RAB38: variants seen among roughly 807,000 people sequenced by gnomAD.
RAB38 encodes RAB38, member RAS oncogene family, also known as ras-related protein Rab-38.
Under a neutral mutation model 18.4 loss-of-function variants are expected in RAB38, and 15 were observed. The ratio of observed to expected loss-of-function variants is 0.82; its 90% CI spans 0.55 to 1.26. RAB38 has a LOEUF of 1.26. Ranked by LOEUF, RAB38 falls within the 50% of genes most tolerant of loss-of-function variation. RAB38 has a pLI of 0.00. For synonymous variants in RAB38, 101 were observed against 104.4 expected, an observed-to-expected ratio of 0.97 and a Z score of 0.20; for missense variants, 294 against 267.4, an observed-to-expected ratio of 1.10 and a Z score of -0.69.
chr11:88,134,741 A>T (rs936222633), intron 2 of RAB38, among the ~76,000 whole-genome samples: 2 of 152,192 alleles, frequency 1.3e-5, no homozygotes, highest in African/African-American at 4.8e-5. Context: ...TCTGCTTCCA[A>T]CCTTTCTCAC....
At chr11:87,923,659 A>C in the RAB38 span, among the ~76,000 whole-genome samples, 151,619 of 151,624 alleles carry the variant, frequency 1, 75,807 homozygotes, top group Non-Finnish European at 1. Context: ...TCATGTAAAC[A>C]AATAATTCTG....
the RAB38 span, among the ~76,000 whole-genome samples, chr11:87,833,036 T>C: frequency 1.3e-5 from 2 of 152,160 alleles, no homozygotes; most frequent in Non-Finnish European, 2.9e-5. Flanking sequence ...TAGTCTTCCA[T>C]TTAGACTGTT....
chr11:88,119,272 C>T (rs547044271), intron 2 of RAB38, among the ~76,000 whole-genome samples: 1 of 152,208 alleles, frequency 6.6e-6, no homozygotes, highest in East Asian at 1.9e-4. Flanking sequence ...ATTCATACTC[C>T]TAACCTCTGC....
At chr11:87,899,439 T>C in the RAB38 span, among the ~76,000 whole-genome samples, 1 of 151,716 alleles carries the variant, frequency 6.6e-6, no homozygotes, top group African/African-American at 2.4e-5. Flanking sequence ...TGAATGGTTT[T>C]GGAACAATGA....
the RAB38 span, among the ~76,000 whole-genome samples, chr11:87,868,581 GA>G: frequency 4.2e-4 from 1 of 2,370 alleles, no homozygotes; most frequent in African/African-American, 1.5e-3. Context: ...GAGTGAGGGA[GA>G]GAGAGAGAGA....
chr11:88,034,179 C>A, the RAB38 span, among the ~76,000 whole-genome samples: 1 of 152,096 alleles, frequency 6.6e-6, no homozygotes, highest in Non-Finnish European at 1.5e-5. Flanking sequence ...CGCTTTTTTT[C>A]ACTCAGTATA....
the RAB38 span, among the ~76,000 whole-genome samples, chr11:88,008,588 A>G: frequency 7.9e-5 from 12 of 152,344 alleles, no homozygotes; most frequent in Middle Eastern, 3.4e-3. Flanking sequence ...TTGAGGTTCA[A>G]TCTATGAAAT....
the RAB38 span, among the ~76,000 whole-genome samples, chr11:88,043,630 C>A: frequency 2.1e-5 from 2 of 95,330 alleles, no homozygotes; most frequent in African/African-American, 3.3e-5. Context: ...CCGAGAACAA[C>A]CCCCTTTGAC....
chr11:87,913,289 A>G, the RAB38 span, among the ~76,000 whole-genome samples: 2 of 152,158 alleles, frequency 1.3e-5, no homozygotes, highest in Admixed American at 1.3e-4. Context: ...ATCAGTTATC[A>G]TGGAGGAATG....
At chr11:87,863,821 A>T in the RAB38 span, among the ~76,000 whole-genome samples, 1 of 151,782 alleles carries the variant, frequency 6.6e-6, no homozygotes, top group South Asian at 2.1e-4. Flanking sequence ...CTCGCCTAAA[A>T]TCCTTGTAGA....
the RAB38 span, among the ~76,000 whole-genome samples, chr11:88,095,546 TAA>T: frequency 1.3e-5 from 2 of 151,932 alleles, no homozygotes. Context: ...TTTCAAAATT[TAA>T]AGTTTGAGTA....
At chr11:87,947,208 C>A in the RAB38 span, among the ~76,000 whole-genome samples, 4 of 149,406 alleles carry the variant, frequency 2.7e-5, no homozygotes, top group Admixed American at 6.7e-5. Flanking sequence ...AGTGTCTGTT[C>A]ATATCCTTCA....
the RAB38 span, among the ~76,000 whole-genome samples, chr11:87,818,072 A>G: frequency 6.6e-6 from 1 of 152,168 alleles, no homozygotes; most frequent in Non-Finnish European, 1.5e-5. Flanking sequence ...CAAGCTTTGC[A>G]TTTGTCAGAA....
chr11:87,928,457 T>G, the RAB38 span, among the ~76,000 whole-genome samples: 1 of 152,090 alleles, frequency 6.6e-6, no homozygotes, highest in Non-Finnish European at 1.5e-5. Context: ...TTATTGTGTA[T>G]GATTTTCATA....
At chr11:87,939,636 T>G in the RAB38 span, among the ~76,000 whole-genome samples, 85 of 152,122 alleles carry the variant, frequency 5.6e-4, 1 homozygote, top group African/African-American at 1.9e-3. Context: ...GGAGCTAAGA[T>G]AGCTTGAGCC....
chr11:87,954,130 TTTGAG>T, the RAB38 span, among the ~76,000 whole-genome samples: 1 of 152,120 alleles, frequency 6.6e-6, no homozygotes, highest in Non-Finnish European at 1.5e-5. Flanking sequence ...ATCCAATGAT[TTTGAG>T]TTAAAATGTA....
chr11:88,126,663 C>T (rs1942698686), intron 2 of RAB38, among the ~76,000 whole-genome samples: 2 of 150,832 alleles, frequency 1.3e-5, no homozygotes, highest in Admixed American at 1.3e-4. Context: ...AACAAACCTG[C>T]ACATTGTGCA....
the RAB38 span, among the ~76,000 whole-genome samples, chr11:87,806,391 A>G: frequency 6.6e-6 from 1 of 152,120 alleles, no homozygotes; most frequent in Non-Finnish European, 1.5e-5. Context: ...ATACGATGAA[A>G]GAGCTCCCTG....
chr11:87,960,774 C>G, the RAB38 span, among the ~76,000 whole-genome samples: 1 of 152,150 alleles, frequency 6.6e-6, no homozygotes, highest in Non-Finnish European at 1.5e-5. Context: ...ACTCCTTTCC[C>G]TAGATGTGCT....
Sources: allele counts gnomAD v4.1 joint callset (sites outside exome capture counted in the v4.1 genomes callset), GRCh38; gene constraint gnomAD v4.1.1; transcripts MANE v1.5; gene names NCBI Gene and HGNC (gene_info 2026-07-23, HGNC 2026-07-21).